Variants in HDAC4 observed in about 807,000 individuals in gnomAD.
HDAC4 encodes histone deacetylase 4.
In HDAC4, 16 loss-of-function variants were observed where a neutral mutation model predicts 135.1. The ratio of observed to expected loss-of-function variants is 0.12; its 90% CI spans 0.08 to 0.18. The LOEUF (loss-of-function observed/expected upper bound fraction) is 0.18, where lower values mean the gene tolerates loss of function less well. Among genes scored for constraint, HDAC4 ranks in the 10% least tolerant of loss-of-function variants. The probability of loss-of-function intolerance (pLI) is 1.00; values close to 1 mark genes in which losing one functional copy is unlikely to be tolerated. For missense variants in HDAC4, 1,143 were observed against 1,511.8 expected (o/e 0.76, Z 4.05); for synonymous variants, 685 against 653.4 (o/e 1.05, Z -0.74).
intron 2 of HDAC4, among the ~76,000 whole-genome samples, chr2:239,346,814 AAC>A (rs34790765): frequency 0.11 from 14,891 of 139,808 alleles, 1,467 homozygotes; most frequent in East Asian, 0.44. Context: ...CCCTGTCTAA[AAC>A]ACACACACAC....
rs749035059 is a variant in HDAC4 at position 239,068,628 on chromosome 2, C to A, written c.2751-21G>T. On this transcript the variant is annotated intron_variant, in intron 22 of 26. Transcript: ENST00000543185. This position sits in a 1 kb window ranked among gnomAD's most constrained non-coding sequence, Gnocchi z 4.4. ...CCGTTCTGCAAAGGACAGGAGAAGG[C>A]GTTACTGGGTCAGCTGAAAGAGGGA... The A allele has an allele frequency of 6.3e-7, 1 of 1,590,726 alleles. No individual in the cohort carries two copies. The highest frequency in any genetic ancestry group is 1.1e-5 in the South Asian group (1 of 90,640).
At chr2:239,110,392 A>G (rs1344383873) in intron 14 of HDAC4, among the ~76,000 whole-genome samples, 1 of 152,168 alleles carries the variant, frequency 6.6e-6, no homozygotes, top group East Asian at 1.9e-4. Context: ...TAGTGGGAGG[A>G]TTCTCCTTGG....
chr2:239,345,566 A>C (rs778341775), intron 2 of HDAC4, among the ~76,000 whole-genome samples: 2 of 150,546 alleles, frequency 1.3e-5, no homozygotes, highest in South Asian at 2.1e-4. Flanking sequence ...ACACACACAC[A>C]CCCAACACAC....
intron 24 of HDAC4, among the ~76,000 whole-genome samples, chr2:239,055,679 C>T (rs541716957): frequency 2.3e-4 from 35 of 149,516 alleles, no homozygotes; most frequent in African/African-American, 5.9e-4. Context: ...ATTGTGCCAC[C>T]GCACTCCAGC....
At position 239,230,368 on chromosome 2, in the gene HDAC4, C is replaced by CAAAAAA. The variant is rs56105562; in HGVS notation, c.94+6219_94+6224dup. On this transcript the variant is annotated intron_variant, in intron 3 of 26. Coordinates refer to ENST00000543185, the MANE Select transcript of HDAC4 (RefSeq NM_001378414.1). ...TAAAAATTAAAACAAAGCAAGCAAG[C>CAAAAAA]AAAAAAAAAAAAAAAAAAAAAAGCA... is the stretch of plus-strand genomic sequence containing the variant. 3.3e-3 allele frequency among the ~76,000 whole-genome samples: 259 copies of CAAAAAA among 79,262 alleles called. 1 individual carries two copies. The highest frequency in any genetic ancestry group is 6.8e-3 in the East Asian group (19 of 2,810). 52.0% of individuals were successfully genotyped at this position (79,262 alleles called of 152,430 possible). A position where few individuals can be genotyped will look rare whatever the true frequency, so the allele number is the denominator to read the frequency against.
rs951133666 is a variant in HDAC4 at position 239,299,283 on chromosome 2, G to T, written c.22+53395C>A. 6.6e-6 allele frequency among the ~76,000 whole-genome samples: 1 copy of T among 152,208 alleles called. No individual in the cohort carries two copies. ...CAACATCAGAGTGAAAATGCCTCAT[G>T]ATTGGTCCATCCTGTACAATAGGTT... On this transcript the variant is annotated intron_variant, in intron 2 of 26. Transcript: ENST00000543185. This position sits in a 1 kb window ranked among gnomAD's most constrained non-coding sequence, Gnocchi z 4.0.
At chr2:239,153,727 A>T (rs2042253115) in intron 7 of HDAC4, among the ~76,000 whole-genome samples, 1 of 152,258 alleles carries the variant, frequency 6.6e-6, no homozygotes, top group South Asian at 2.1e-4. Context: ...TTCCGTTCTC[A>T]AGAAAGCAGG....
intron 3 of HDAC4, 26 bp downstream of exon 3, chr2:239,236,567 G>A: frequency 1.3e-6 from 2 of 1,544,032 alleles, no homozygotes. Flanking sequence ...GGGCCGGCCG[G>A]ACAGGGCAGG....
At chr2:239,242,412 T>A (rs1450419311) in intron 2 of HDAC4, among the ~76,000 whole-genome samples, 1 of 152,240 alleles carries the variant, frequency 6.6e-6, no homozygotes, top group Non-Finnish European at 1.5e-5. Flanking sequence ...GTCTTGAACA[T>A]CTTTAGATTT....
In HDAC4 at chr2:239,349,523, G is replaced by A. The variant is rs992950661; in HGVS notation, c.22+3155C>T. Among the ~76,000 whole-genome samples, 19 of 152,226 alleles carry A rather than the reference G, an allele frequency of 1.2e-4. No homozygotes were observed. The highest frequency in any genetic ancestry group is 4.6e-4 in the African/African-American group (19 of 41,460). The stretch of plus-strand genomic sequence containing the variant: ...GACAAGAAACACAGAGGAACTTCCC[G>A]AAACTAGAGATCTCTGGGGATGGAG... On this transcript the variant is annotated intron_variant, in intron 2 of 26. Coordinates refer to ENST00000543185, the MANE Select transcript of HDAC4 (RefSeq NM_001378414.1). This position sits in a 1 kb window ranked among gnomAD's most constrained non-coding sequence, Gnocchi z 5.7.
intron 7 of HDAC4, among the ~76,000 whole-genome samples, chr2:239,150,286 C>A (rs746577040): frequency 3.7e-4 from 56 of 151,954 alleles, no homozygotes; most frequent in Middle Eastern, 3.4e-3. Context: ...TAGATACACA[C>A]ACAGGTACAT....
At position 239,146,579 on chromosome 2, in the gene HDAC4, G is replaced by A. The variant is rs988795222; in HGVS notation, c.734-1865C>T. On this transcript the variant is annotated intron_variant, in intron 7 of 26. Transcript: ENST00000543185. This position sits in a 1 kb window ranked among gnomAD's most constrained non-coding sequence, Gnocchi z 4.5. The stretch of plus-strand genomic sequence containing the variant: ...CCCCAGGCCCTGTGGGGGTCATCAC[G>A]CTGCCACCAGGTCATCAGTCAGGCG... Among the ~76,000 whole-genome samples, 17 of 152,234 alleles carry A rather than the reference G, an allele frequency of 1.1e-4. No individual in the cohort carries two copies. The highest frequency in any genetic ancestry group is 1.0e-3 in the South Asian group (5 of 4,824).
intron 3 of HDAC4, among the ~76,000 whole-genome samples, chr2:239,204,360 G>A (rs185822988): frequency 3.0e-4 from 45 of 152,342 alleles, no homozygotes; most frequent in African/African-American, 1.0e-3. Flanking sequence ...ATTAGAAAAG[G>A]CACCCTGAAT....
intron 2 of HDAC4, among the ~76,000 whole-genome samples, chr2:239,267,972 A>T (rs1260119095): frequency 6.6e-6 from 1 of 152,258 alleles, no homozygotes; most frequent in Non-Finnish European, 1.5e-5. Context: ...AGCACTTAAA[A>T]CACACACACC....
At chr2:239,323,881 A>G (rs2053392164) in intron 2 of HDAC4, among the ~76,000 whole-genome samples, 2 of 152,234 alleles carry the variant, frequency 1.3e-5, no homozygotes, top group African/African-American at 2.4e-5. Flanking sequence ...CTAAAAAAAG[A>G]CAAGAACATC....
intron 1 of HDAC4, among the ~76,000 whole-genome samples, chr2:239,353,599 C>T (rs972383321): frequency 5.3e-5 from 8 of 152,148 alleles, no homozygotes; most frequent in Non-Finnish European, 1.2e-4. Context: ...CCAAGAATGT[C>T]TCCAGGGAGT....
chr2:239,096,395 CCACA>C (rs1332685323), intron 16 of HDAC4, among the ~76,000 whole-genome samples: 4 of 138,398 alleles, frequency 2.9e-5, no homozygotes, highest in African/African-American at 1.1e-4. Flanking sequence ...TGCAACCTCC[CCACA>C]GACGCCTGCA....
intron 3 of HDAC4, among the ~76,000 whole-genome samples, chr2:239,209,331 A>ATTTT (rs2046239676): frequency 6.6e-6 from 1 of 152,240 alleles, no homozygotes; most frequent in Non-Finnish European, 1.5e-5. Flanking sequence ...AAAGCTGAAT[A>ATTTT]TAAAACTACA....
intron 3 of HDAC4, among the ~76,000 whole-genome samples, chr2:239,209,025 C>G (rs1282235514): frequency 6.6e-6 from 1 of 152,164 alleles, no homozygotes; most frequent in Non-Finnish European, 1.5e-5. Flanking sequence ...TACAGAGGCG[C>G]GCCATCACGC....
Sources: allele counts gnomAD v4.1 joint callset (sites outside exome capture counted in the v4.1 genomes callset), GRCh38; gene constraint gnomAD v4.1.1; non-coding constraint Gnocchi (gnomAD v3.1); transcripts MANE v1.5; gene names NCBI Gene and HGNC (gene_info 2026-07-23, HGNC 2026-07-21).